Variants in POTEJ observed in about 807,000 individuals in gnomAD.
POTEJ encodes POTE ankyrin domain family member J.
Under a neutral mutation model 69.0 loss-of-function variants are expected in POTEJ, and 11 were observed. The ratio of observed to expected loss-of-function variants is 0.16; its 90% CI spans 0.10 to 0.26. The LOEUF is 0.26. Ranked by LOEUF, POTEJ falls within the 10% of genes least tolerant of loss-of-function variation. POTEJ has a pLI of 1.00. For synonymous variants in POTEJ, 117 were observed against 381.1 expected (o/e 0.31, Z 8.07); for missense variants, 327 against 1,045.5 (o/e 0.31, Z 9.48).
chr2:130,627,086 A>G (rs1437358510), intron 6 of POTEJ, among the ~76,000 whole-genome samples: 5 of 152,112 alleles, frequency 3.3e-5, no homozygotes, highest in African/African-American at 1.2e-4. Flanking sequence ...GTACAGTAGT[A>G]TTTAACCTGG....
chr2:130,626,770 T>C (rs1228952938), intron 6 of POTEJ, among the ~76,000 whole-genome samples: 1 of 152,164 alleles, frequency 6.6e-6, no homozygotes, highest in African/African-American at 2.4e-5. Flanking sequence ...TTTTCACCCG[T>C]CCTTAGTGAA....
At chr2:130,630,938 A>G (rs1401829526) in intron 7 of POTEJ, among the ~76,000 whole-genome samples, 1 of 144,034 alleles carries the variant, frequency 6.9e-6, no homozygotes, top group Non-Finnish European at 1.5e-5. Flanking sequence ...GGTGCCTACA[A>G]TCCAGTTAGG....
At chr2:130,640,852 C>T (rs1438364415) in intron 10 of POTEJ, among the ~76,000 whole-genome samples, 2 of 152,176 alleles carry the variant, frequency 1.3e-5, no homozygotes, top group Non-Finnish European at 2.9e-5. Context: ...GTTTTTTCTG[C>T]CAGAAAGAAT....
chr2:130,630,554 G>C (rs1558922894), intron 7 of POTEJ, among the ~76,000 whole-genome samples: 2 of 140,972 alleles, frequency 1.4e-5, no homozygotes. Context: ...GTCAGTCACT[G>C]ATACCAAGCT....
chr2:130,633,726 G>C (rs1685988332), intron 9 of POTEJ, among the ~76,000 whole-genome samples: 1 of 143,184 alleles, frequency 7.0e-6, no homozygotes, highest in Non-Finnish European at 1.5e-5. Flanking sequence ...CTGAAATATT[G>C]GACCCTCAAT....
chr2:130,637,464 C>G (rs1168871984), intron 9 of POTEJ, among the ~76,000 whole-genome samples: 13 of 150,488 alleles, frequency 8.6e-5, no homozygotes, highest in Non-Finnish European at 1.5e-5. Context: ...GGCGGCCACA[C>G]AAATTTTTGA....
At chr2:130,637,712 C>T (rs1198024551) in intron 9 of POTEJ, among the ~76,000 whole-genome samples, 1 of 152,382 alleles carries the variant, frequency 6.6e-6, no homozygotes, top group South Asian at 2.1e-4. Flanking sequence ...AGAATGCCAA[C>T]TTGCAACTTC....
chr2:130,618,920 ATTTTTTTTAT>A (rs1474993837), intron 3 of POTEJ, among the ~76,000 whole-genome samples: 7 of 120,870 alleles, frequency 5.8e-5, no homozygotes, highest in Admixed American at 2.7e-4. Context: ...ATTTTATTTT[ATTTTTTTTAT>A]TTTTTTTTAT....
chr2:130,615,477 C>T (rs553928595), intron 1 of POTEJ, among the ~76,000 whole-genome samples: 1 of 134,490 alleles, frequency 7.4e-6, no homozygotes, highest in East Asian at 2.0e-4. Flanking sequence ...TGTTGAAAGC[C>T]ATTATCCTTA....
At chr2:130,645,440 TAGTG>T (rs1208995315) in intron 11 of POTEJ, among the ~76,000 whole-genome samples, 1 of 103,134 alleles carries the variant, frequency 9.7e-6, no homozygotes, top group Non-Finnish European at 2.1e-5. Context: ...TCCAAACAAA[TAGTG>T]AGAAAGTTAA....
At chr2:130,618,774 CTTTT>C (rs1204750696) in intron 3 of POTEJ, among the ~76,000 whole-genome samples, 19 of 32,194 alleles carry the variant, frequency 5.9e-4, no homozygotes, top group African/African-American at 3.8e-3. Flanking sequence ...ATTAATCTGA[CTTTT>C]TTTTTTTTTT....
chr2:130,656,390 C>T (rs1686988780), intron 14 of POTEJ, among the ~76,000 whole-genome samples, 159 bp from the exon 15 acceptor site: 1 of 148,656 alleles, frequency 6.7e-6, no homozygotes, highest in Admixed American at 6.6e-5. Context: ...GGAATTTACA[C>T]TCTTATTAGG....
At chr2:130,612,712 A>G (rs1685257288) in intron 1 of POTEJ, among the ~76,000 whole-genome samples, 2 of 138,568 alleles carry the variant, frequency 1.4e-5, no homozygotes, top group East Asian at 2.0e-4. Flanking sequence ...GCAGTGAGCC[A>G]AGATAGTGCC....
At chr2:130,618,714 G>T (rs1487486381) in intron 3 of POTEJ, among the ~76,000 whole-genome samples, 1 of 118,448 alleles carries the variant, frequency 8.4e-6, no homozygotes, top group Non-Finnish European at 1.7e-5. Context: ...GGTATCTCTA[G>T]AAGAGTTGGG....
intron 14 of POTEJ, among the ~76,000 whole-genome samples, chr2:130,655,311 A>G (rs566611416): frequency 9.5e-4 from 144 of 152,238 alleles, no homozygotes; most frequent in African/African-American, 3.4e-3. Context: ...CGATCTTTCC[A>G]CATCAGAAAT....
At position 130,622,513 on chromosome 2, in the gene POTEJ, TTTC is replaced by T. The variant is rs1385098035; in HGVS notation, c.944+919_944+921del. On this transcript the variant is annotated intron_variant, in intron 5 of 14. Coordinates refer to ENST00000409602, the MANE Select transcript of POTEJ (RefSeq NM_001277083.2). ...TGTGGCAGAAAGAGATCAGTGTTTG[TTTC>T]TTCTTCTTTGCTACCAGATCTGTAC... Among the ~76,000 whole-genome samples, 7 of 127,112 alleles carry T rather than the reference TTTC, an allele frequency of 5.5e-5. 1 individual carries two copies. Among genetic ancestry groups the T allele is most frequent in the African/African-American group, 2.3e-4 (7 of 30,676 alleles). 83.4% of individuals were successfully genotyped at this position (127,112 alleles called of 152,430 possible). A position where few individuals can be genotyped will look rare whatever the true frequency, so the allele number is the denominator to read the frequency against.
chr2:130,641,940 G>T (rs1215259180), intron 10 of POTEJ, among the ~76,000 whole-genome samples: 2 of 152,174 alleles, frequency 1.3e-5, no homozygotes, highest in Admixed American at 6.5e-5. Context: ...AATAGATGAA[G>T]ATGAATATCA....
rs552963799 is a variant in POTEJ at position 130,657,425 on chromosome 2, G to A, written c.2665G>A (p.Glu889Lys). The A allele has an allele frequency of 2.5e-6, 4 of 1,600,640 alleles. No individual in the cohort carries two copies. Among genetic ancestry groups the A allele is most frequent in the Admixed American group, 3.4e-5 (2 of 59,506 alleles). ...LCYVALDFEQ[E>K]MAMVASSSSL... ...CTATGTTGCCCTGGACTTCGAGCAGGAGATGGCCATGGTGGCCTCCAGCTC... is the reference window on the plus strand; with the variant it reads ...CTATGTTGCCCTGGACTTCGAGCAGAAGATGGCCATGGTGGCCTCCAGCTC... The change falls in exon 15 of 15, where the codon GAG becomes AAG. Residue 889 changes from glutamate to lysine, a missense_variant. By Grantham distance (56) the Glu-to-Lys change is moderately conservative. Transcript: ENST00000409602.
At chr2:130,646,594 A>G (rs1686586718) in intron 13 of POTEJ, among the ~76,000 whole-genome samples, 1 of 146,138 alleles carries the variant, frequency 6.8e-6, no homozygotes, top group South Asian at 2.1e-4. Flanking sequence ...CAGGTTTATT[A>G]TATAGGTAAA....
Sources: gnomAD v4.1 joint callset for allele counts (sites outside exome capture counted in the v4.1 genomes callset) on GRCh38, gnomAD v4.1.1 for gene constraint, MANE v1.5 for transcripts, NCBI Gene and HGNC (gene_info 2026-07-23, HGNC 2026-07-21) for gene names.